The following PITPNM2 variants were observed in gnomAD, a reference collection of about 807,000 sequenced individuals.
PITPNM2 encodes the protein membrane-associated phosphatidylinositol transfer protein 2.
Under a neutral mutation model 132.2 loss-of-function variants are expected in PITPNM2, and 35 were observed. The ratio of observed to expected loss-of-function variants is 0.26; its 90% CI spans 0.20 to 0.35. The LOEUF is 0.35. Among genes scored for constraint, PITPNM2 ranks in the 10% least tolerant of loss-of-function variants. The pLI, the probability that PITPNM2 is intolerant of heterozygous loss-of-function variation, is 1.00. For missense variants in PITPNM2, 1,332 were observed against 1,912.0 expected, an observed-to-expected ratio of 0.70 and a Z score of 5.66; for synonymous variants, 738 against 799.2, an observed-to-expected ratio of 0.92 and a Z score of 1.29.
At chr12:123,034,106 C>T (rs1299173300) in intron 3 of PITPNM2, 1 of 172,010 alleles carries the variant, frequency 5.8e-6, no homozygotes, top group Admixed American at 6.1e-5. Flanking sequence ...CTTGCCAGGC[C>T]TTGATCTGGG....
Position 122,997,390 on chromosome 12 carries a change from G to A in PITPNM2, c.1407C>T (p.Gly469=), listed in dbSNP as rs2038475757. The A allele has an allele frequency of 1.2e-6, 2 of 1,613,458 alleles. No individual in the cohort carries two copies. Among genetic ancestry groups the A allele is most frequent in the Non-Finnish European group, 1.7e-6 (2 of 1,179,992 alleles). The change falls in exon 11 of 26, where the codon GGC becomes GGT. Residue 469 remains glycine, a synonymous_variant. Transcript: ENST00000320201. ...AGGGCACCAGGCGGATGGCAAGGCG[G>A]CCCAGGGCGCTGGGGTAGTGCACGC... ...VMRVHYPSAL[G]RLAIRLVPCP... is the part of the protein sequence containing the mutation.
chr12:123,061,448 A>G (rs1418307970), intron 2 of PITPNM2, among the ~76,000 whole-genome samples: 3 of 152,242 alleles, frequency 2.0e-5, no homozygotes, highest in Non-Finnish European at 4.4e-5. Context: ...ATGGTTAACC[A>G]CTACAGCCAT....
chr12:123,143,045 T>C (rs1470644114), intron 1 of PITPNM2, among the ~76,000 whole-genome samples: 1 of 152,128 alleles, frequency 6.6e-6, no homozygotes, highest in Non-Finnish European at 1.5e-5. Flanking sequence ...AAGCCCTGCC[T>C]CTCAGACAAC....
At chr12:123,025,035 T>C (rs1157816028) in intron 3 of PITPNM2, among the ~76,000 whole-genome samples, 3 of 152,188 alleles carry the variant, frequency 2.0e-5, no homozygotes, top group Non-Finnish European at 2.9e-5. Flanking sequence ...ATGGGTCACC[T>C]CTAAGCATCT....
Position 122,990,654 on chromosome 12 carries a change from C to T in PITPNM2, c.2460G>A (p.Ser820=), listed in dbSNP as rs758828493. 2.3e-5 allele frequency: 37 copies of T among 1,611,700 alleles called. No individual in the cohort carries two copies. The highest frequency in any genetic ancestry group is 9.9e-5 in the South Asian group (9 of 91,054). The change falls in exon 17 of 26, where the codon TCG becomes TCA. Residue 820 remains serine (S), a synonymous_variant. Coordinates refer to ENST00000320201, the MANE Select transcript of PITPNM2 (RefSeq NM_020845.3). Reference sequence around the variant, plus strand: ...CACGACTGGCAGGGGCAGTGCCCGGCGAGGAGGGGGCGCCATGCTCTTGGA... The same window carrying T: ...CACGACTGGCAGGGGCAGTGCCCGGTGAGGAGGGGGCGCCATGCTCTTGGA... ...AAFQEHGAPS[S]PGTAPASRGF...
At chr12:123,124,770 T>C (rs2043104416) in intron 1 of PITPNM2, among the ~76,000 whole-genome samples, 1 of 152,156 alleles carries the variant, frequency 6.6e-6, no homozygotes, top group South Asian at 2.1e-4. Context: ...TGCTTTTCAC[T>C]TCGGTACCAA....
At chr12:123,068,256 A>G (rs1487576443) in intron 2 of PITPNM2, among the ~76,000 whole-genome samples, 1 of 152,100 alleles carries the variant, frequency 6.6e-6, no homozygotes, top group African/African-American at 2.4e-5. Flanking sequence ...TCACAAAGTC[A>G]GGAGATCGAG....
In PITPNM2 at chr12:123,034,626, C is replaced by T. The variant is rs375703796; in HGVS notation, c.-36G>A. The T allele has an allele frequency of 6.3e-7, 1 of 1,584,266 alleles. No individual in the cohort carries two copies. The highest frequency in any genetic ancestry group is 8.7e-7 in the Non-Finnish European group (1 of 1,152,762). On this transcript the variant is annotated 5_prime_UTR_variant, in exon 3 of 26. Transcript: ENST00000320201. ...AAGCCTTCCCGTCGATGGGGAACTGCAAGTTGGGACTTCTAGGCAAGGTTC... is the reference window on the plus strand; with the variant it reads ...AAGCCTTCCCGTCGATGGGGAACTGTAAGTTGGGACTTCTAGGCAAGGTTC...
Position 122,986,475 on chromosome 12 carries a change from G to A in PITPNM2, c.3687C>T (p.Ile1229=), listed in dbSNP as rs1323554529. The A allele has an allele frequency of 5.7e-6, 9 of 1,583,360 alleles. No individual in the cohort carries two copies. Among genetic ancestry groups the A allele is most frequent in the African/African-American group, 1.3e-5 (1 of 74,506 alleles). The change falls in exon 25 of 26, where the codon ATC becomes ATT. Residue 1229 remains isoleucine, a synonymous_variant. Transcript: ENST00000320201. ...AISLSPMQIY[I]VGRPTKKLQQ... ...GCAGCTTCTTGGTGGGCCGGCCCAC[G>A]ATGTAGATCTGCATGGGGGACAGGC... is the stretch of plus-strand genomic sequence containing the variant.
In PITPNM2 at chr12:123,005,918, C is replaced by A; in HGVS notation, c.644-370G>T. The A allele has an allele frequency of 5.0e-6, 1 of 200,244 alleles. No homozygotes were observed. The highest frequency in any genetic ancestry group is 6.0e-5 in the Admixed American group (1 of 16,762). The allele number at this position is 200,244 out of a possible 1,614,324, so 12.4% of individuals were successfully genotyped here. A position where few individuals can be genotyped will look rare whatever the true frequency, so the allele number is the denominator to read the frequency against. On this transcript the variant is annotated intron_variant, in intron 6 of 25. Transcript: ENST00000320201. This position sits in a 1 kb window ranked among gnomAD's most constrained non-coding sequence, Gnocchi z 6.2. ...TTTGAGATCAGCCTGGGCAACGAAA[C>A]AAGACCCTGTCTCTATAAAAAAAAA... is the stretch of plus-strand genomic sequence containing the variant.
Position 123,078,916 on chromosome 12 carries a change from G to C in PITPNM2, c.-96+31469C>G, listed in dbSNP as rs933864752. 6.6e-6 allele frequency among the ~76,000 whole-genome samples: 1 copy of C among 152,214 alleles called. No individual in the cohort carries two copies. The highest frequency in any genetic ancestry group is 1.5e-5 in the Non-Finnish European group (1 of 68,040). On this transcript the variant is annotated intron_variant, in intron 2 of 25. Transcript: ENST00000320201. This position sits in a 1 kb window ranked among gnomAD's most constrained non-coding sequence, Gnocchi z 7.3. The stretch of plus-strand genomic sequence containing the variant: ...GAAATGGGGCTGGGAAGAAAGCCAC[G>C]AGACCTCAGTGGGGTCGCAGTCTCT...
At chr12:123,040,793 TA>T (rs1307489285) in intron 2 of PITPNM2, among the ~76,000 whole-genome samples, 1 of 151,938 alleles carries the variant, frequency 6.6e-6, no homozygotes, top group African/African-American at 2.4e-5. Context: ...ATACTTTTTT[TA>T]AAAAAGATTA....
rs899576138 is a variant in PITPNM2, at chr12:123,099,599, T to C, written c.-96+10786A>G. The stretch of plus-strand genomic sequence containing the variant: ...GCCCAGTGCAGAGGAAAACTAGGCA[T>C]GTAGCTAAGGGCTGGGTTAACCTTC... On this transcript the variant is annotated intron_variant, in intron 2 of 25. Coordinates refer to ENST00000320201, the MANE Select transcript of PITPNM2 (RefSeq NM_020845.3). The surrounding 1 kb of genome is among the most constrained non-coding windows in gnomAD (Gnocchi z 4.2). Among the ~76,000 whole-genome samples the C allele has an allele frequency of 4.6e-5, 7 of 152,178 alleles. No homozygotes were observed. The highest frequency in any genetic ancestry group is 1.4e-4 in the African/African-American group (6 of 41,446).
intron 1 of PITPNM2, among the ~76,000 whole-genome samples, chr12:123,147,298 G>A (rs1325964723): frequency 6.6e-6 from 1 of 152,100 alleles, no homozygotes; most frequent in African/African-American, 2.4e-5. Context: ...GAGTTAGTGT[G>A]TTAGGTACAA....
chr12:123,025,941 A>C (rs2136368665), intron 3 of PITPNM2, among the ~76,000 whole-genome samples: 1 of 152,300 alleles, frequency 6.6e-6, no homozygotes, highest in South Asian at 2.1e-4. Context: ...GAGAGGCACA[A>C]ACTTGTCCAA....
intron 3 of PITPNM2, among the ~76,000 whole-genome samples, chr12:123,027,071 A>G (rs1271301188): frequency 2.0e-5 from 3 of 151,696 alleles, no homozygotes; most frequent in African/African-American, 7.3e-5. Flanking sequence ...CCTGTGAGTG[A>G]GCTTCAGCCT....
chr12:123,060,192 C>T (rs2041184855), intron 2 of PITPNM2, among the ~76,000 whole-genome samples: 1 of 152,166 alleles, frequency 6.6e-6, no homozygotes, highest in Admixed American at 6.5e-5. Context: ...CAGCATACTG[C>T]AGGAGAAGGA....
At chr12:123,075,201 C>T (rs987287947) in intron 2 of PITPNM2, among the ~76,000 whole-genome samples, 3 of 152,068 alleles carry the variant, frequency 2.0e-5, no homozygotes, top group African/African-American at 2.4e-5. Context: ...TGTATAAGTA[C>T]GTGTGTGTTC....
At chr12:123,043,899 G>A (rs2040571634) in intron 2 of PITPNM2, among the ~76,000 whole-genome samples, 1 of 152,144 alleles carries the variant, frequency 6.6e-6, no homozygotes, top group Non-Finnish European at 1.5e-5. Context: ...ATGTGCATGT[G>A]AGGAAATAAG....
Sources: allele counts gnomAD v4.1 joint callset (sites outside exome capture counted in the v4.1 genomes callset), GRCh38; gene constraint gnomAD v4.1.1; non-coding constraint Gnocchi (gnomAD v3.1); transcripts MANE v1.5; gene names NCBI Gene and HGNC (gene_info 2026-07-23, HGNC 2026-07-21).